The following PARD3B variants were observed in gnomAD, a reference collection of about 807,000 sequenced individuals.
PARD3B encodes par-3 family cell polarity regulator beta.
Under a neutral mutation model 130.2 loss-of-function variants are expected in PARD3B, and 103 were observed. The ratio of observed to expected loss-of-function variants is 0.79; its 90% confidence interval spans 0.67 to 0.93. The LOEUF (loss-of-function observed/expected upper bound fraction) is 0.93. Ranked by LOEUF, PARD3B falls within the 40% of genes least tolerant of loss-of-function variation. The pLI is 0.00. For missense variants in PARD3B, 1,609 were observed against 1,499.2 expected (o/e 1.07, Z -1.21); for synonymous variants, 583 against 553.2 (o/e 1.05, Z -0.76).
chr2:205,600,168 C>T (rs2054728209), intron 22 of PARD3B, among the ~76,000 whole-genome samples: 1 of 152,162 alleles, frequency 6.6e-6, no homozygotes, highest in Non-Finnish European at 1.5e-5. Context: ...ATCAAGACTG[C>T]AGCATGAAAG....
At chr2:204,867,915 C>T (rs1364083094) in intron 2 of PARD3B, among the ~76,000 whole-genome samples, 2 of 152,132 alleles carry the variant, frequency 1.3e-5, no homozygotes, top group Admixed American at 6.5e-5. Context: ...TAACCTACAC[C>T]TTCTACTGTA....
At chr2:205,170,941 C>T (rs187907658) in intron 11 of PARD3B, among the ~76,000 whole-genome samples, 13 of 152,080 alleles carry the variant, frequency 8.5e-5, no homozygotes, top group African/African-American at 2.9e-4. Context: ...AGGGAATTGT[C>T]GTGGAAGAAC....
rs1288584297 is a variant in PARD3B at position 205,491,006 on chromosome 2, GAC to G, written c.3045-8889_3045-8888del. On this transcript the variant is annotated intron_variant, in intron 20 of 22. Transcript: ENST00000406610. ...AGTTCATTGTAGATTCTGGATATTA[GAC>G]CTTTGTCAGATGAGTAGATTGCAAA... Among the ~76,000 whole-genome samples, 24 of 152,158 alleles carry G rather than the reference GAC, an allele frequency of 1.6e-4. No individual in the cohort carries two copies. The East Asian group carries it at 4.4e-3, about 28-fold the overall frequency.
chr2:204,820,071 C>CT (rs557143420), intron 2 of PARD3B, among the ~76,000 whole-genome samples: 43,166 of 97,978 alleles, frequency 0.44, 11,961 homozygotes, highest in South Asian at 0.58. Context: ...AAACAATAGA[C>CT]TTTTTTTTTT....
At chr2:204,933,940 T>C (rs1282202816) in intron 2 of PARD3B, among the ~76,000 whole-genome samples, 1 of 152,218 alleles carries the variant, frequency 6.6e-6, no homozygotes, top group Non-Finnish European at 1.5e-5. Flanking sequence ...ATCAGAATAA[T>C]ACTACCTTGT....
chr2:205,559,150 C>A (rs1349530670), intron 22 of PARD3B, among the ~76,000 whole-genome samples: 1 of 152,136 alleles, frequency 6.6e-6, no homozygotes, highest in Non-Finnish European at 1.5e-5. Flanking sequence ...TACTCCTGCA[C>A]CCAAGTGTTG....
At position 204,998,312 on chromosome 2, in the gene PARD3B, GTATATA is replaced by G. The variant is rs771546892; in HGVS notation, c.394+33031_394+33036del. On this transcript the variant is annotated intron_variant, in intron 3 of 22. Transcript: ENST00000406610. The stretch of plus-strand genomic sequence containing the variant: ...CTGCACATGTATCCCAGAACTTAAA[GTATATA>G]TATATATATATATATATATATATAT... Among the ~76,000 whole-genome samples the G allele has an allele frequency of 3.1e-3, 163 of 51,966 alleles. 1 individual carries two copies. The highest frequency in any genetic ancestry group is 0.011 in the Middle Eastern group (1 of 90). The allele number at this position is 51,966 out of a possible 152,430, so 34.1% of individuals were successfully genotyped here.
At chr2:205,566,675 A>C (rs2053346094) in intron 22 of PARD3B, among the ~76,000 whole-genome samples, 1 of 152,202 alleles carries the variant, frequency 6.6e-6, no homozygotes, top group Admixed American at 6.5e-5. Flanking sequence ...TGGGAATTGC[A>C]ATGGCTGATC....
rs529769039 is a variant in PARD3B at position 204,985,909 on chromosome 2, T to TG, written c.394+20588dup. On this transcript the variant is annotated intron_variant, in intron 3 of 22. Coordinates refer to ENST00000406610, the MANE Select transcript of PARD3B (RefSeq NM_001302769.2). Reference sequence around the variant, plus strand: ...TGAGCTCAGGAGCTCGAGACCAGCCTGGCAACATGGTGAAACCCCGTCTCT... The same window carrying TG: ...TGAGCTCAGGAGCTCGAGACCAGCCTGGGCAACATGGTGAAACCCCGTCTCT... Among the ~76,000 whole-genome samples the TG allele has an allele frequency of 3.3e-5, 5 of 152,062 alleles. No individual in the cohort carries two copies. In the South Asian group the frequency reaches 1.0e-3, roughly 32 times the overall value.
At chr2:205,172,089 C>G in intron 11 of PARD3B, 122 bp from the exon 12 acceptor site, 2 of 951,668 alleles carry the variant, frequency 2.1e-6, no homozygotes, top group Non-Finnish European at 3.1e-6. Context: ...TAAATCACTT[C>G]TAACAGCTAG....
Position 204,970,560 on chromosome 2 carries a change from A to G in PARD3B, c.394+5237A>G, listed in dbSNP as rs1691616128. ...CCAAGCTGAGTTTGAATCCAACTCC[A>G]TGCCTCTGCCAATTTCCCTGCTATG... On this transcript the variant is annotated intron_variant, in intron 3 of 22. Coordinates refer to ENST00000406610, the MANE Select transcript of PARD3B (RefSeq NM_001302769.2). Among the ~76,000 whole-genome samples, 16 of 152,296 alleles carry G rather than the reference A, an allele frequency of 1.1e-4. 1 individual carries two copies. In the South Asian group the frequency reaches 3.3e-3, roughly 32 times the overall value.
At chr2:204,576,506 G>C (rs2032267869) in intron 1 of PARD3B, among the ~76,000 whole-genome samples, 1 of 152,176 alleles carries the variant, frequency 6.6e-6, no homozygotes. Context: ...TCAACATGAT[G>C]ACAGCATGCA....
chr2:205,488,535 T>C lies in PARD3B; in HGVS notation c.3045-11361T>C, dbSNP rs549723896. Among the ~76,000 whole-genome samples the C allele has an allele frequency of 2.6e-3, 403 of 152,308 alleles. 4 individuals carry two copies. Among genetic ancestry groups the C allele is most frequent in the Non-Finnish European group, 5.2e-3 (351 of 68,014 alleles). On this transcript the variant is annotated intron_variant, in intron 20 of 22. Coordinates refer to ENST00000406610, the MANE Select transcript of PARD3B (RefSeq NM_001302769.2). ...AGGATACTATATTGGACTCTGCCTA[T>C]GATCTCTCACTGAACCCACTCACTG...
Position 205,301,742 on chromosome 2 carries a change from T to C in PARD3B, c.2630+41T>C, listed in dbSNP as rs1342879310. 1.2e-6 allele frequency: 2 copies of C among 1,613,752 alleles called. No homozygotes were observed. The highest frequency in any genetic ancestry group is 1.7e-6 in the Non-Finnish European group (2 of 1,179,846). ...GAAGGCAAAGTTGGTTCTCATTTTG[T>C]CTCTCCTGGTAAAATCACTCCTTTG... On this transcript the variant is annotated intron_variant, in intron 18 of 22. Transcript: ENST00000406610. This position sits in a 1 kb window ranked among gnomAD's most constrained non-coding sequence, Gnocchi z 5.2.
chr2:205,291,713 G>A lies in PARD3B; in HGVS notation c.2186-8817G>A, dbSNP rs2041614230. 6.6e-6 allele frequency among the ~76,000 whole-genome samples: 1 copy of A among 152,082 alleles called. No homozygotes were observed. The highest frequency in any genetic ancestry group is 2.4e-5 in the African/African-American group (1 of 41,428). On this transcript the variant is annotated intron_variant, in intron 16 of 22. Coordinates refer to ENST00000406610, the MANE Select transcript of PARD3B (RefSeq NM_001302769.2). The surrounding 1 kb of genome is among the most constrained non-coding windows in gnomAD (Gnocchi z 4.6). ...AGATGAGAAAAATGACCTAAAGATG[G>A]AATTGTCCATCAAAAAGGAAGCAGA... is the stretch of plus-strand genomic sequence containing the variant.
intron 1 of PARD3B, among the ~76,000 whole-genome samples, chr2:204,647,380 A>T (rs2035310358): frequency 6.7e-6 from 1 of 150,288 alleles, no homozygotes; most frequent in Non-Finnish European, 1.5e-5. Context: ...ATTTTTTTTA[A>T]TTTTGTGCCT....
chr2:205,063,543 A>G (rs891343199), intron 4 of PARD3B, among the ~76,000 whole-genome samples: 61 of 152,170 alleles, frequency 4.0e-4, no homozygotes, highest in African/African-American at 1.3e-3. Flanking sequence ...GTAACTCAGC[A>G]GTTGATTCAG....
chr2:205,049,549 AATGTTT>A (rs973241726), intron 4 of PARD3B, among the ~76,000 whole-genome samples: 6 of 152,114 alleles, frequency 3.9e-5, no homozygotes, highest in Non-Finnish European at 8.8e-5. Context: ...TCGGTCCTCC[AATGTTT>A]ATTTCCATGT....
chr2:204,758,909 T>C (rs2040785324), intron 2 of PARD3B, among the ~76,000 whole-genome samples: 1 of 152,212 alleles, frequency 6.6e-6, no homozygotes, highest in Non-Finnish European at 1.5e-5. Context: ...ATATTTCTTA[T>C]GGATATATCT....
Sources: gnomAD v4.1 joint callset for allele counts (sites outside exome capture counted in the v4.1 genomes callset) on GRCh38, gnomAD v4.1.1 for gene constraint, Gnocchi (gnomAD v3.1) non-coding constraint, MANE v1.5 for transcripts, NCBI Gene and HGNC (gene_info 2026-07-23, HGNC 2026-07-21) for gene names.